The following CDC42SE2 variants were observed in gnomAD, a reference collection of about 807,000 sequenced individuals.
CDC42SE2 encodes CDC42 small effector 2.
CDC42SE2 carries 3 observed loss-of-function variants against 11.5 expected under a neutral mutation model. The observed-to-expected ratio is 0.26, with a 90% CI of 0.12 to 0.67. CDC42SE2 has a LOEUF of 0.67. CDC42SE2 is among the 30% of genes least tolerant of loss of function. The pLI, the probability that CDC42SE2 is intolerant of heterozygous loss-of-function variation, is 0.80. For missense variants in CDC42SE2, 82 were observed against 106.8 expected (o/e 0.77, Z 1.02); for synonymous variants, 33 against 34.8 (o/e 0.95, Z 0.18).
intron 3 of CDC42SE2, among the ~76,000 whole-genome samples, chr5:131,361,055 CTTAGAG>C (rs1401521739): frequency 2.8e-5 from 4 of 143,282 alleles, no homozygotes; most frequent in Non-Finnish European, 4.6e-5. Flanking sequence ...ATATGTAAAT[CTTAGAG>C]TTTGTTTGTT....
the CDC42SE2 span, among the ~76,000 whole-genome samples, chr5:131,216,739 C>A: frequency 6.6e-6 from 1 of 152,072 alleles, no homozygotes; most frequent in African/African-American, 2.4e-5. Context: ...AGATGTCAAG[C>A]TGCCAATAAA....
chr5:131,384,833 A>G (rs1750430188), intron 3 of CDC42SE2, among the ~76,000 whole-genome samples: 1 of 150,230 alleles, frequency 6.7e-6, no homozygotes, highest in African/African-American at 2.5e-5. Flanking sequence ...CTGTAATCCC[A>G]GCTACTTGGG....
chr5:131,361,892 G>A (rs1019465588), intron 3 of CDC42SE2, among the ~76,000 whole-genome samples: 3 of 152,166 alleles, frequency 2.0e-5, no homozygotes, highest in East Asian at 1.9e-4. Context: ...GTGTTCCCTC[G>A]ACGTCTTTTC....
chr5:131,322,332 C>G (rs1758209383), intron 2 of CDC42SE2, among the ~76,000 whole-genome samples: 1 of 152,130 alleles, frequency 6.6e-6, no homozygotes, highest in Non-Finnish European at 1.5e-5. Flanking sequence ...TCATTTCTCC[C>G]TATTGCCATC....
chr5:131,328,120 T>C (rs761035499), intron 2 of CDC42SE2, among the ~76,000 whole-genome samples: 17 of 152,136 alleles, frequency 1.1e-4, no homozygotes, highest in Non-Finnish European at 2.1e-4. Context: ...GCATTAATCT[T>C]TTGGGGATTT....
At chr5:131,358,337 C>T (rs1456010839) in intron 2 of CDC42SE2, among the ~76,000 whole-genome samples, 1 of 152,128 alleles carries the variant, frequency 6.6e-6, no homozygotes, top group African/African-American at 2.4e-5. Context: ...TGAAACTGAT[C>T]TTAGGGATGC....
chr5:131,273,440 G>T (rs1342933712), intron 1 of CDC42SE2, among the ~76,000 whole-genome samples: 1 of 149,674 alleles, frequency 6.7e-6, no homozygotes, highest in East Asian at 2.0e-4. Context: ...ATAGGCATGA[G>T]CCACTGCGCC....
intron 1 of CDC42SE2, among the ~76,000 whole-genome samples, chr5:131,295,215 G>A (rs190296897): frequency 1.3e-5 from 2 of 151,864 alleles, no homozygotes; most frequent in African/African-American, 4.8e-5. Flanking sequence ...CCCAGGAGGT[G>A]GAGGTTGCAG....
chr5:131,329,604 C>T (rs1022316162), intron 2 of CDC42SE2, among the ~76,000 whole-genome samples: 6 of 151,932 alleles, frequency 3.9e-5, no homozygotes, highest in South Asian at 2.1e-4. Flanking sequence ...CCAGGCTGGG[C>T]GCGGTAGCTC....
intron 1 of CDC42SE2, among the ~76,000 whole-genome samples, chr5:131,307,070 T>TTTA (rs1306748368): frequency 6.6e-6 from 1 of 151,910 alleles, no homozygotes; most frequent in African/African-American, 2.4e-5. Context: ...TTTTAATTTT[T>TTTA]TTATTATTAT....
intron 2 of CDC42SE2, among the ~76,000 whole-genome samples, chr5:131,318,295 A>G (rs191619821): frequency 1.3e-5 from 2 of 152,318 alleles, no homozygotes; most frequent in South Asian, 2.1e-4. Context: ...TTACCCATCA[A>G]TTTAAATGCA....
chr5:131,219,289 G>T, the CDC42SE2 span, among the ~76,000 whole-genome samples: 1 of 152,046 alleles, frequency 6.6e-6, no homozygotes, highest in East Asian at 1.9e-4. Context: ...ATTGATAATG[G>T]TATAGATTGC....
At chr5:131,281,685 T>G (rs1275182796) in intron 1 of CDC42SE2, among the ~76,000 whole-genome samples, 4 of 152,206 alleles carry the variant, frequency 2.6e-5, no homozygotes, top group African/African-American at 9.6e-5. Flanking sequence ...GCAGAACAAG[T>G]ATTCAAAGTC....
intron 1 of CDC42SE2, among the ~76,000 whole-genome samples, chr5:131,294,856 A>G (rs1000905153): frequency 6.6e-6 from 1 of 152,076 alleles, no homozygotes; most frequent in African/African-American, 2.4e-5. Context: ...GGCTGGGTGC[A>G]GTGGTTCACA....
Position 131,387,860 on chromosome 5 carries a change from C to A in CDC42SE2, c.156+2216C>A, listed in dbSNP as rs186856626. 5.6e-4 allele frequency among the ~76,000 whole-genome samples: 86 copies of A among 152,292 alleles called. 1 individual carries two copies. In the East Asian group the frequency reaches 0.014, roughly 25 times the overall value. On this transcript the variant is annotated intron_variant, in intron 4 of 4. Coordinates refer to ENST00000505065, the MANE Select transcript of CDC42SE2 (RefSeq NM_001375635.1). ...GGACTTTTTATGAAGTATTTCAGCC[C>A]TTTAGAGCTAAATGTGCTTCCCAAA...
At chr5:131,240,356 T>C in the CDC42SE2 span, among the ~76,000 whole-genome samples, 2 of 152,220 alleles carry the variant, frequency 1.3e-5, no homozygotes, top group Non-Finnish European at 2.9e-5. Context: ...ACATTTAATA[T>C]CTACTGTCCA....
chr5:131,262,483 T>G (rs1284733329), upstream of CDC42SE2, among the ~76,000 whole-genome samples: 2 of 152,200 alleles, frequency 1.3e-5, no homozygotes, highest in African/African-American at 4.8e-5. Context: ...ATTTTTCATT[T>G]ATTCTAGGGA....
At chr5:131,338,966 G>C (rs2149750524) in intron 2 of CDC42SE2, among the ~76,000 whole-genome samples, 1 of 152,206 alleles carries the variant, frequency 6.6e-6, no homozygotes, top group African/African-American at 2.4e-5. Flanking sequence ...TGCTTGTTCA[G>C]GCCGGGCGTG....
the CDC42SE2 span, among the ~76,000 whole-genome samples, chr5:131,219,574 A>G: frequency 6.6e-6 from 1 of 152,200 alleles, no homozygotes. Context: ...GTCATTAACT[A>G]TTGTACTCAG....
Sources: gnomAD v4.1 joint callset for allele counts (sites outside exome capture counted in the v4.1 genomes callset) on GRCh38, gnomAD v4.1.1 for gene constraint, MANE v1.5 for transcripts, NCBI Gene and HGNC (gene_info 2026-07-23, HGNC 2026-07-21) for gene names.